The following BCL2 variants were observed in gnomAD, a reference collection of about 807,000 sequenced individuals.
BCL2 encodes BCL2 apoptosis regulator.
Under a neutral mutation model 14.2 loss-of-function variants are expected in BCL2, and 1 was observed. That is an observed-to-expected ratio of 0.07 (90% CI 0.02 to 0.33). The LOEUF is 0.33. Among genes scored for constraint, BCL2 ranks in the 10% least tolerant of loss-of-function variants. The pLI, the probability that BCL2 is intolerant of heterozygous loss-of-function variation, is 0.99. For missense variants in BCL2, 247 were observed against 305.9 expected (o/e 0.81, Z 1.44); for synonymous variants, 151 against 137.2 (o/e 1.10, Z -0.70).
At chr18:63,256,698 T>TG (rs138862856) in intron 2 of BCL2, among the ~76,000 whole-genome samples, 1,932 of 152,200 alleles carry the variant, frequency 0.013, 42 homozygotes, top group African/African-American at 0.043. Context: ...GCAAGGGGTA[T>TG]GGGGTTCTAC....
At chr18:63,175,205 C>A (rs756246122) in intron 2 of BCL2, among the ~76,000 whole-genome samples, 2 of 152,200 alleles carry the variant, frequency 1.3e-5, no homozygotes, top group African/African-American at 4.8e-5. Context: ...CAGCCCTAAA[C>A]ACTGAATAAC....
intron 2 of BCL2, among the ~76,000 whole-genome samples, chr18:63,274,680 C>G (rs1040745932): frequency 1.3e-5 from 2 of 152,028 alleles, no homozygotes; most frequent in African/African-American, 4.8e-5. Flanking sequence ...TTGAAGCAAA[C>G]GGAACTGCAG....
intron 2 of BCL2, among the ~76,000 whole-genome samples, chr18:63,143,079 C>T (rs1914408602): frequency 6.6e-6 from 1 of 152,244 alleles, no homozygotes; most frequent in Non-Finnish European, 1.5e-5. Flanking sequence ...ACAAGATACG[C>T]TGGCGTGGCC....
chr18:63,274,990 A>G (rs1407314497), intron 2 of BCL2, among the ~76,000 whole-genome samples: 1 of 152,170 alleles, frequency 6.6e-6, no homozygotes, highest in African/African-American at 2.4e-5. Flanking sequence ...ACAGAAATAG[A>G]TTCTGCCTTC....
At chr18:63,196,587 G>A (rs1484710007) in intron 2 of BCL2, among the ~76,000 whole-genome samples, 1 of 151,944 alleles carries the variant, frequency 6.6e-6, no homozygotes. Flanking sequence ...AAGGGTCAAA[G>A]GTAAATGAGC....
chr18:63,199,508 A>T (rs1411184948), intron 2 of BCL2, among the ~76,000 whole-genome samples: 1 of 151,834 alleles, frequency 6.6e-6, no homozygotes, highest in Admixed American at 6.6e-5. Flanking sequence ...GCATACACAG[A>T]CACAGAGACA....
intron 2 of BCL2, among the ~76,000 whole-genome samples, chr18:63,147,764 C>T (rs1382952045): frequency 6.6e-6 from 1 of 152,186 alleles, no homozygotes; most frequent in Non-Finnish European, 1.5e-5. Context: ...CAGCCATAAA[C>T]AATATCCATT....
chr18:63,212,981 T>C (rs1166648408), intron 2 of BCL2, among the ~76,000 whole-genome samples: 1 of 152,164 alleles, frequency 6.6e-6, no homozygotes, highest in Non-Finnish European at 1.5e-5. Flanking sequence ...AATTTCAAAT[T>C]TGTGAATACA....
intron 2 of BCL2, among the ~76,000 whole-genome samples, chr18:63,206,013 T>C (rs575328715): frequency 6.6e-6 from 1 of 152,344 alleles, no homozygotes; most frequent in South Asian, 2.1e-4. Context: ...TCCTTTGAAC[T>C]TGTACCTTCC....
intron 2 of BCL2, among the ~76,000 whole-genome samples, chr18:63,181,944 T>C (rs1457695650): frequency 6.6e-6 from 1 of 152,176 alleles, no homozygotes; most frequent in Non-Finnish European, 1.5e-5. Context: ...AGGCACATCG[T>C]CCTTTTGCTG....
intron 2 of BCL2, among the ~76,000 whole-genome samples, chr18:63,208,724 A>G (rs1442209987): frequency 6.6e-6 from 1 of 152,206 alleles, no homozygotes; most frequent in African/African-American, 2.4e-5. Context: ...GTTCCTAACA[A>G]CTGGGCACCA....
At chr18:63,178,229 TCAC>T (rs1915395280) in intron 2 of BCL2, among the ~76,000 whole-genome samples, 1 of 152,184 alleles carries the variant, frequency 6.6e-6, no homozygotes, top group Admixed American at 6.5e-5. Context: ...CCTCGGGAGA[TCAC>T]CCACCACCTG....
intron 2 of BCL2, among the ~76,000 whole-genome samples, chr18:63,233,362 G>C (rs1431675524): frequency 6.6e-6 from 1 of 152,122 alleles, no homozygotes; most frequent in Non-Finnish European, 1.5e-5. Context: ...ATGGATTATT[G>C]ATAACATTAC....
intron 2 of BCL2, among the ~76,000 whole-genome samples, chr18:63,247,373 T>A (rs1012174128): frequency 6.6e-6 from 1 of 151,902 alleles, no homozygotes; most frequent in African/African-American, 2.4e-5. Flanking sequence ...TAATTTTGTA[T>A]TTTTAGTAGA....
intron 2 of BCL2, among the ~76,000 whole-genome samples, chr18:63,151,519 G>A (rs372638957): frequency 7.5e-6 from 1 of 133,442 alleles, no homozygotes; most frequent in African/African-American, 2.7e-5. Context: ...GGCTGGGGGC[G>A]AGGGGAGGGG....
intron 2 of BCL2, among the ~76,000 whole-genome samples, chr18:63,277,638 A>G (rs1378846701): frequency 6.7e-6 from 1 of 150,308 alleles, no homozygotes; most frequent in African/African-American, 2.5e-5. Flanking sequence ...AGAAACACAC[A>G]TACAAAAGTC....
intron 2 of BCL2, among the ~76,000 whole-genome samples, chr18:63,156,969 C>A (rs558527569): frequency 6.6e-6 from 1 of 152,206 alleles, no homozygotes; most frequent in Non-Finnish European, 1.5e-5. Flanking sequence ...GAGTAGCTAC[C>A]GCAGCTACTC....
At chr18:63,273,108 A>G (rs764348396) in intron 2 of BCL2, among the ~76,000 whole-genome samples, 2 of 152,200 alleles carry the variant, frequency 1.3e-5, no homozygotes, top group Non-Finnish European at 2.9e-5. Flanking sequence ...TCCATTTTCT[A>G]TGAAACAAGA....
At chr18:63,272,511 A>G (rs895624149) in intron 2 of BCL2, among the ~76,000 whole-genome samples, 2 of 152,208 alleles carry the variant, frequency 1.3e-5, no homozygotes, top group Non-Finnish European at 2.9e-5. Context: ...CTCCATGTAA[A>G]AAAAACAGAA....
Sources: allele counts gnomAD v4.1 joint callset (sites outside exome capture counted in the v4.1 genomes callset), GRCh38; gene constraint gnomAD v4.1.1; transcripts MANE v1.5; gene names NCBI Gene and HGNC (gene_info 2026-07-23, HGNC 2026-07-21).